Variants in AFF3 observed in about 807,000 individuals in gnomAD.
AFF3 encodes AF4/FMR2 family member 3.
Under a neutral mutation model 129.7 loss-of-function variants are expected in AFF3, and 32 were observed. The observed-to-expected ratio is 0.25, with a 90% confidence interval of 0.19 to 0.33. The LOEUF is 0.33. Among genes scored for constraint, AFF3 ranks in the 10% least tolerant of loss-of-function variants. The pLI, the probability that AFF3 is intolerant of heterozygous loss-of-function variation, is 1.00. For missense variants in AFF3, 1,373 were observed against 1,592.0 expected, an observed-to-expected ratio of 0.86 and a Z score of 2.34; for synonymous variants, 644 against 635.4, an observed-to-expected ratio of 1.01 and a Z score of -0.20.
At chr2:100,118,218 T>C (rs769488306) in intron 2 of AFF3, among the ~76,000 whole-genome samples, 14 of 152,210 alleles carry the variant, frequency 9.2e-5, no homozygotes, top group Non-Finnish European at 1.3e-4. Context: ...ATATATTGCA[T>C]TTATATGCAC....
rs184319502 is a variant in AFF3, at chr2:99,602,459, C to T, written c.1185-838G>A. On this transcript the variant is annotated intron_variant, in intron 13 of 24. Coordinates refer to ENST00000672756, the MANE Select transcript of AFF3 (RefSeq NM_001386135.1). ...ACAAGAAAAATTGACTGATGCTTTC[C>T]GATAGTAATTAATTAACCATAAAAA... 4.6e-5 allele frequency among the ~76,000 whole-genome samples: 7 copies of T among 152,210 alleles called. No homozygotes were observed. The East Asian group carries it at 5.8e-4, about 13-fold the overall frequency.
intron 13 of AFF3, among the ~76,000 whole-genome samples, chr2:99,622,030 C>T (rs1012359008): frequency 6.6e-6 from 1 of 152,124 alleles, no homozygotes; most frequent in Non-Finnish European, 1.5e-5. Flanking sequence ...ACTGGGATTG[C>T]CTGGTTTCCT....
chr2:99,768,356 C>G (rs1030615167), intron 8 of AFF3, among the ~76,000 whole-genome samples: 9 of 152,210 alleles, frequency 5.9e-5, no homozygotes, highest in African/African-American at 2.2e-4. Flanking sequence ...TATATACATG[C>G]ACTAAGATGG....
intron 13 of AFF3, among the ~76,000 whole-genome samples, chr2:99,629,924 G>T (rs981971948): frequency 3.9e-5 from 6 of 152,088 alleles, no homozygotes; most frequent in Non-Finnish European, 7.4e-5. Flanking sequence ...TATCACATTG[G>T]GGATTAGGGC....
intron 8 of AFF3, among the ~76,000 whole-genome samples, chr2:99,815,425 A>G (rs1342604719): frequency 6.6e-6 from 1 of 152,220 alleles, no homozygotes; most frequent in Non-Finnish European, 1.5e-5. Flanking sequence ...TAATGAGCAA[A>G]TAGAAGAATT....
At chr2:99,801,285 A>G (rs890135322) in intron 8 of AFF3, among the ~76,000 whole-genome samples, 3 of 152,238 alleles carry the variant, frequency 2.0e-5, no homozygotes, top group Non-Finnish European at 4.4e-5. Flanking sequence ...GGAGAAATTT[A>G]TCAGAAATTT....
intron 7 of AFF3, among the ~76,000 whole-genome samples, chr2:100,004,242 T>C (rs541496406): frequency 2.0e-5 from 3 of 152,192 alleles, no homozygotes; most frequent in Admixed American, 6.5e-5. Flanking sequence ...AACCCTTCTC[T>C]ACCTCACTGG....
At chr2:99,563,357 A>AT (rs1324677851) in intron 20 of AFF3, among the ~76,000 whole-genome samples, 6 of 151,354 alleles carry the variant, frequency 4.0e-5, no homozygotes, top group Non-Finnish European at 8.8e-5. Flanking sequence ...CGCCCGGCTA[A>AT]TTTTTTGTAT....
chr2:99,581,893 C>T (rs1161535437), intron 17 of AFF3, among the ~76,000 whole-genome samples: 5 of 137,992 alleles, frequency 3.6e-5, no homozygotes, highest in African/African-American at 1.1e-4. Context: ...CTTGCTGTGT[C>T]GCCCAGGCTG....
intron 22 of AFF3, 87 bp from the exon 23 acceptor site, chr2:99,554,819 G>T: frequency 6.7e-7 from 1 of 1,489,770 alleles, no homozygotes; most frequent in Non-Finnish European, 9.3e-7. Flanking sequence ...TGACTGCAGA[G>T]AGAAGCAAAG....
intron 7 of AFF3, among the ~76,000 whole-genome samples, chr2:99,888,495 A>G (rs1371602940): frequency 6.6e-6 from 1 of 152,194 alleles, no homozygotes; most frequent in Non-Finnish European, 1.5e-5. Flanking sequence ...CAATTACTCT[A>G]CTGTGTATTA....
intron 7 of AFF3, among the ~76,000 whole-genome samples, chr2:99,862,632 C>T (rs1232332767): frequency 6.6e-6 from 1 of 152,240 alleles, no homozygotes; most frequent in Non-Finnish European, 1.5e-5. Flanking sequence ...CTAGCTTGTT[C>T]CTTTATGCTC....
intron 7 of AFF3, among the ~76,000 whole-genome samples, chr2:99,949,787 G>A (rs1675970758): frequency 6.6e-6 from 1 of 152,222 alleles, no homozygotes; most frequent in African/African-American, 2.4e-5. Context: ...CTGCTGTGCG[G>A]CCCAGTTACT....
chr2:99,810,740 C>T (rs193120357), intron 8 of AFF3, among the ~76,000 whole-genome samples: 23 of 152,218 alleles, frequency 1.5e-4, no homozygotes, highest in East Asian at 5.8e-4. Context: ...AGAGTTTGAC[C>T]GCTAAAAGTT....
intron 8 of AFF3, among the ~76,000 whole-genome samples, chr2:99,823,050 G>A (rs1687807916): frequency 6.6e-6 from 1 of 152,002 alleles, no homozygotes; most frequent in South Asian, 2.1e-4. Context: ...TCCCCTTCAT[G>A]CTTTCCCTCT....
chr2:100,081,294 C>T (rs1689029447), intron 4 of AFF3, among the ~76,000 whole-genome samples: 1 of 151,904 alleles, frequency 6.6e-6, no homozygotes, highest in Non-Finnish European at 1.5e-5. Flanking sequence ...GATACAGAGG[C>T]CCATTTTCTC....
chr2:99,783,613 AAAC>A (rs1371477282), intron 8 of AFF3, among the ~76,000 whole-genome samples: 1 of 152,246 alleles, frequency 6.6e-6, no homozygotes, highest in Non-Finnish European at 1.5e-5. Context: ...TTTATTAACC[AAAC>A]AACATCTTTG....
intron 8 of AFF3, among the ~76,000 whole-genome samples, chr2:99,832,721 T>C (rs1021205478): frequency 6.6e-6 from 1 of 152,256 alleles, no homozygotes; most frequent in African/African-American, 2.4e-5. Context: ...AACTAACTTA[T>C]CTTGGCTAGA....
chr2:99,707,596 A>C, intron 11 of AFF3: 3 of 985,402 alleles, frequency 3.0e-6, no homozygotes, highest in Non-Finnish European at 3.6e-6. Flanking sequence ...TTAATAAACA[A>C]GTTGTGGTAT....
Sources: allele counts gnomAD v4.1 joint callset (sites outside exome capture counted in the v4.1 genomes callset), GRCh38; gene constraint gnomAD v4.1.1; transcripts MANE v1.5; gene names NCBI Gene and HGNC (gene_info 2026-07-23, HGNC 2026-07-21).